The following ENOX1 variants were observed in gnomAD, a reference collection of about 807,000 sequenced individuals.
ENOX1 encodes candidate growth-related and time keeping constitutive hydroquinone (NADH) oxidase.
ENOX1 carries 42 observed loss-of-function variants against 82.5 expected under a neutral mutation model. That is an observed-to-expected ratio of 0.51 (90% confidence interval 0.40 to 0.66). The LOEUF (loss-of-function observed/expected upper bound fraction) is 0.66, where lower values mean the gene tolerates loss of function less well. Among genes scored for constraint, ENOX1 ranks in the 30% least tolerant of loss-of-function variants. The pLI is 0.00. For missense variants in ENOX1, 608 were observed against 811.6 expected, an observed-to-expected ratio of 0.75 and a Z score of 3.05; for synonymous variants, 271 against 282.2, an observed-to-expected ratio of 0.96 and a Z score of 0.40.
At chr13:43,616,442 T>G (rs2082483550) in intron 2 of ENOX1, among the ~76,000 whole-genome samples, 1 of 65,230 alleles carries the variant, frequency 1.5e-5, no homozygotes, top group South Asian at 9.5e-4. Context: ...TCTCAGGTGA[T>G]CCTCCCGCCT....
chr13:43,786,515 C>T lies in ENOX1; in HGVS notation c.-285+137G>A, dbSNP rs1052068173. On this transcript the variant is annotated intron_variant, in intron 1 of 16. Coordinates refer to ENST00000690772, the MANE Select transcript of ENOX1 (RefSeq NM_001347969.2). This position sits in a 1 kb window ranked among gnomAD's most constrained non-coding sequence, Gnocchi z 6.0. ...ACGCACCCCTCCTCACCAGCCTCAC[C>T]TCTAGCTCCACTCCCCTCCCCCCTC... 1 of 152,522 alleles carries T rather than the reference C, an allele frequency of 6.6e-6. No individual in the cohort carries two copies. Among genetic ancestry groups the T allele is most frequent in the Non-Finnish European group, 1.5e-5 (1 of 68,422 alleles). 9.4% of individuals were successfully genotyped at this position (152,522 alleles called of 1,614,324 possible).
At chr13:43,730,023 A>C (rs1321125963) in intron 1 of ENOX1, among the ~76,000 whole-genome samples, 1 of 151,726 alleles carries the variant, frequency 6.6e-6, no homozygotes, top group African/African-American at 2.4e-5. Context: ...GAGGATCCCC[A>C]CTCTATCTGC....
intron 3 of ENOX1, among the ~76,000 whole-genome samples, chr13:43,471,625 A>G (rs201950939): frequency 6.6e-6 from 1 of 152,090 alleles, no homozygotes; most frequent in East Asian, 1.9e-4. Context: ...TCTGGCTAAC[A>G]TGGTGAAAGC....
intron 5 of ENOX1, among the ~76,000 whole-genome samples, chr13:43,406,802 G>T (rs544905150): frequency 1.6e-4 from 24 of 152,140 alleles, no homozygotes; most frequent in African/African-American, 5.8e-4. Context: ...CAAGTATGAT[G>T]TCTTTTTGGA....
At chr13:43,629,931 C>A (rs2083131656) in intron 2 of ENOX1, among the ~76,000 whole-genome samples, 1 of 152,170 alleles carries the variant, frequency 6.6e-6, no homozygotes, top group Admixed American at 6.5e-5. Flanking sequence ...ATTAGTGGAG[C>A]TTTTCTAAGC....
intron 2 of ENOX1, among the ~76,000 whole-genome samples, chr13:43,619,469 A>T (rs2082631201): frequency 1.3e-5 from 2 of 151,804 alleles, no homozygotes; most frequent in South Asian, 2.1e-4. Flanking sequence ...GGGGTGCTGG[A>T]TTTTTTTCAA....
chr13:43,574,805 C>G (rs1593894871), intron 2 of ENOX1, among the ~76,000 whole-genome samples: 1 of 152,188 alleles, frequency 6.6e-6, no homozygotes, highest in African/African-American at 2.4e-5. Context: ...TCTAGACTCT[C>G]TGTGTGGATA....
chr13:43,361,703 A>C (rs1395432868), intron 5 of ENOX1, among the ~76,000 whole-genome samples: 1 of 152,232 alleles, frequency 6.6e-6, no homozygotes, highest in East Asian at 1.9e-4. Flanking sequence ...AACACAGCAT[A>C]TTAAAATGTA....
chr13:43,546,846 T>A (rs1305267821), intron 2 of ENOX1: 1 of 152,138 alleles, frequency 6.6e-6, no homozygotes, highest in East Asian at 1.9e-4. Flanking sequence ...ACAGTACAAT[T>A]TAATCTAAAT....
At chr13:43,652,987 T>C (rs2084264504) in intron 2 of ENOX1, among the ~76,000 whole-genome samples, 1 of 152,256 alleles carries the variant, frequency 6.6e-6, no homozygotes, top group South Asian at 2.1e-4. Context: ...GCTCCCTGCC[T>C]GGGGAAAGGA....
intron 1 of ENOX1, among the ~76,000 whole-genome samples, chr13:43,688,837 C>A (rs1463661838): frequency 6.6e-6 from 1 of 152,134 alleles, no homozygotes; most frequent in Admixed American, 6.6e-5. Flanking sequence ...ATATATCACC[C>A]AAGATGTGTC....
intron 9 of ENOX1, among the ~76,000 whole-genome samples, chr13:43,329,464 A>T (rs1313942090): frequency 6.6e-6 from 1 of 152,034 alleles, no homozygotes; most frequent in Admixed American, 6.6e-5. Context: ...GCATCGGTGG[A>T]GGGCTGAGAA....
At chr13:43,454,337 T>C (rs1266167018) in intron 3 of ENOX1, among the ~76,000 whole-genome samples, 2 of 152,088 alleles carry the variant, frequency 1.3e-5, no homozygotes, top group Admixed American at 1.3e-4. Flanking sequence ...AGACTTTTGC[T>C]GCAATCAATT....
chr13:43,555,929 A>G (rs1422797077), intron 2 of ENOX1, among the ~76,000 whole-genome samples: 2 of 152,214 alleles, frequency 1.3e-5, no homozygotes, highest in Non-Finnish European at 2.9e-5. Context: ...AGAGCAGAGA[A>G]ATCAAAGTAG....
chr13:43,471,741 C>T (rs1031548637), intron 3 of ENOX1, among the ~76,000 whole-genome samples: 3 of 143,912 alleles, frequency 2.1e-5, no homozygotes, highest in African/African-American at 5.3e-5. Context: ...GCCCAGGAGG[C>T]GGAGGTTGCA....
chr13:43,589,216 GA>G (rs58912569), intron 2 of ENOX1, among the ~76,000 whole-genome samples: 7,580 of 79,602 alleles, frequency 0.095, 311 homozygotes, highest in African/African-American at 0.19. Context: ...GACATTAATG[GA>G]AAAAAAAAAA....
chr13:43,278,489 TTA>T (rs1385067558), intron 12 of ENOX1, among the ~76,000 whole-genome samples: 2 of 152,242 alleles, frequency 1.3e-5, no homozygotes, highest in Non-Finnish European at 2.9e-5. Flanking sequence ...CTGAGAATTT[TTA>T]TGTTTAAAAT....
chr13:43,681,859 G>T (rs2085803624), intron 1 of ENOX1, among the ~76,000 whole-genome samples: 1 of 152,032 alleles, frequency 6.6e-6, no homozygotes, highest in Admixed American at 6.6e-5. Flanking sequence ...ATCTTCCAAA[G>T]GAGGAACAAG....
At chr13:43,263,120 C>T (rs1463711494) in intron 14 of ENOX1, among the ~76,000 whole-genome samples, 1 of 152,098 alleles carries the variant, frequency 6.6e-6, no homozygotes, top group African/African-American at 2.4e-5. Context: ...TTTCACATAC[C>T]CTAGTGGAGG....
Sources: gnomAD v4.1 joint callset for allele counts (sites outside exome capture counted in the v4.1 genomes callset) on GRCh38, gnomAD v4.1.1 for gene constraint, Gnocchi (gnomAD v3.1) non-coding constraint, MANE v1.5 for transcripts, NCBI Gene and HGNC (gene_info 2026-07-23, HGNC 2026-07-21) for gene names.